Variants in MCPH1 observed in about 807,000 individuals in gnomAD.
MCPH1 encodes microcephalin.
MCPH1 carries 104 observed loss-of-function variants against 84.5 expected under a neutral mutation model. That is an observed-to-expected ratio of 1.23 (90% confidence interval 1.05 to 1.45). The LOEUF is 1.45. Ranked by LOEUF, MCPH1 falls within the 40% of genes most tolerant of loss-of-function variation. The pLI is 0.00. For missense variants in MCPH1, 1,498 were observed against 1,005.7 expected, an observed-to-expected ratio of 1.49 and a Z score of -6.62; for synonymous variants, 514 against 366.8, an observed-to-expected ratio of 1.40 and a Z score of -4.58.
intron 13 of MCPH1, among the ~76,000 whole-genome samples, chr8:6,638,622 A>G (rs1797724570): frequency 1.3e-5 from 2 of 151,514 alleles, no homozygotes; most frequent in African/African-American, 4.9e-5. Flanking sequence ...AATTTCACGG[A>G]GCTGCTCAAG....
At position 6,643,116 on chromosome 8, in the gene MCPH1, G is replaced by GAAACAAAACTGTGAAGAGA; in HGVS notation, c.*69_*87dup. ...AAACTGTCTTTGGATGTTCAAATGA[G>GAAACAAAACTGTGAAGAGA]AAACAAAACTGTGAAGAGAAGGAAC... On this transcript the variant is annotated 3_prime_UTR_variant, in exon 14 of 14. Coordinates refer to ENST00000344683, the MANE Select transcript of MCPH1 (RefSeq NM_024596.5). 7.4e-7 allele frequency: 1 copy of GAAACAAAACTGTGAAGAGA among 1,351,602 alleles called. No homozygotes were observed. The highest frequency in any genetic ancestry group is 1.1e-6 in the Non-Finnish European group (1 of 943,736). The allele number at this position is 1,351,602 out of a possible 1,614,324, so 83.7% of individuals were successfully genotyped here.
At position 6,493,491 on chromosome 8, in the gene MCPH1, A is replaced by G. The variant is rs533191648; in HGVS notation, c.2137-6361A>G. 1.4e-4 allele frequency among the ~76,000 whole-genome samples: 21 copies of G among 152,334 alleles called. No homozygotes were observed. In the South Asian group the frequency reaches 3.9e-3, roughly 29 times the overall value. The stretch of plus-strand genomic sequence containing the variant: ...GGGTTCTTAACTATATACTTTTAGT[A>G]CTTTATTGCTTATCTTCCCTTTCTT... On this transcript the variant is annotated intron_variant, in intron 11 of 13. Transcript: ENST00000344683.
intron 12 of MCPH1, among the ~76,000 whole-genome samples, chr8:6,577,697 A>G (rs931252653): frequency 6.6e-6 from 1 of 152,260 alleles, no homozygotes. Context: ...GTAGATGGCT[A>G]AGCACTACAC....
At chr8:6,641,743 C>T (rs1449445031) in intron 13 of MCPH1, among the ~76,000 whole-genome samples, 1 of 151,610 alleles carries the variant, frequency 6.6e-6, no homozygotes, top group African/African-American at 2.4e-5. Context: ...GACCCTATCT[C>T]AAAAAAAGAA....
At chr8:6,413,116 G>A (rs1032971347) in intron 2 of MCPH1, among the ~76,000 whole-genome samples, 1 of 152,128 alleles carries the variant, frequency 6.6e-6, no homozygotes, top group Non-Finnish European at 1.5e-5. Flanking sequence ...TTGACACCAT[G>A]AGTGTCTGAG....
chr8:6,560,553 C>T (rs191207743), intron 12 of MCPH1, among the ~76,000 whole-genome samples: 1 of 152,232 alleles, frequency 6.6e-6, no homozygotes, highest in Admixed American at 6.5e-5. Flanking sequence ...CTCAGGTGCA[C>T]GTTGCTGAGA....
chr8:6,435,756 C>T (rs903525180), intron 4 of MCPH1, among the ~76,000 whole-genome samples: 10 of 152,020 alleles, frequency 6.6e-5, no homozygotes, highest in African/African-American at 1.7e-4. Context: ...AGCAAAAAAT[C>T]GAAAGAGACT....
At chr8:6,488,962 G>C (rs911617451) in intron 11 of MCPH1, among the ~76,000 whole-genome samples, 1 of 152,098 alleles carries the variant, frequency 6.6e-6, no homozygotes, top group Non-Finnish European at 1.5e-5. Context: ...GTAACGTCAG[G>C]TGTGTGGGAA....
intron 12 of MCPH1, among the ~76,000 whole-genome samples, chr8:6,504,539 G>A (rs1017434615): frequency 1.4e-4 from 22 of 151,974 alleles, no homozygotes; most frequent in Admixed American, 9.8e-4. Flanking sequence ...TTCAAGTAAC[G>A]CTTATTTGAC....
chr8:6,531,913 C>G (rs903285510), intron 12 of MCPH1, among the ~76,000 whole-genome samples: 12 of 152,150 alleles, frequency 7.9e-5, no homozygotes, highest in African/African-American at 2.4e-4. Flanking sequence ...TATCTTAACT[C>G]AAGAGTTAGA....
At chr8:6,605,574 T>A (rs189737456) in intron 12 of MCPH1, among the ~76,000 whole-genome samples, 1 of 152,354 alleles carries the variant, frequency 6.6e-6, no homozygotes, top group Non-Finnish European at 1.5e-5. Context: ...CCAGACCACA[T>A]AGTAGCTGGA....
At chr8:6,413,388 C>T (rs1245904730) in intron 2 of MCPH1, among the ~76,000 whole-genome samples, 13 of 150,734 alleles carry the variant, frequency 8.6e-5, no homozygotes, top group Non-Finnish European at 4.4e-5. Context: ...GTGCTGTTTT[C>T]GTTCTTGTGC....
At chr8:6,609,819 G>GT (rs1830100896) in intron 12 of MCPH1, among the ~76,000 whole-genome samples, 1 of 104,022 alleles carries the variant, frequency 9.6e-6, no homozygotes, top group African/African-American at 3.0e-5. Flanking sequence ...AATGCCCCCC[G>GT]CCCCCCCCCC....
At chr8:6,626,116 G>T in intron 13 of MCPH1, 3 of 985,344 alleles carry the variant, frequency 3.0e-6, no homozygotes, top group Non-Finnish European at 3.6e-6. Context: ...GATAAAAATT[G>T]TTAGTGATTA....
At chr8:6,517,035 A>T (rs1816392365) in intron 12 of MCPH1, among the ~76,000 whole-genome samples, 1 of 152,216 alleles carries the variant, frequency 6.6e-6, no homozygotes, top group Non-Finnish European at 1.5e-5. Flanking sequence ...ATTTGTAAAA[A>T]CTGGAGTATT....
intron 12 of MCPH1, among the ~76,000 whole-genome samples, chr8:6,512,088 T>C (rs780571428): frequency 6.6e-6 from 1 of 152,198 alleles, no homozygotes; most frequent in South Asian, 2.1e-4. Context: ...ATCTCGGTTG[T>C]TGCCTCTCCA....
In MCPH1 at chr8:6,467,428, C is replaced by G. The variant is rs1303649083; in HGVS notation, c.1936-10166C>G. 2.6e-5 allele frequency among the ~76,000 whole-genome samples: 4 copies of G among 152,240 alleles called. No homozygotes were observed. In the East Asian group the frequency reaches 5.8e-4, roughly 22 times the overall value. On this transcript the variant is annotated intron_variant, in intron 9 of 13. Transcript: ENST00000344683. ...CTAGTTCTCATCATTAAAAGCAGTA[C>G]TAAAATCTTATCCCAGAATTTATAG...
chr8:6,623,688 C>CAAAAAAAAAAAAAAAA lies in MCPH1; in HGVS notation c.2452+2012_2452+2027dup, dbSNP rs377522481. 4.3e-5 allele frequency among the ~76,000 whole-genome samples: 4 copies of CAAAAAAAAAAAAAAAA among 92,424 alleles called. 1 individual carries two copies. Among genetic ancestry groups the CAAAAAAAAAAAAAAAA allele is most frequent in the African/African-American group, 9.2e-5 (2 of 21,792 alleles). The allele number at this position is 92,424 out of a possible 152,430, so 60.6% of individuals were successfully genotyped here. A position where few individuals can be genotyped will look rare whatever the true frequency, so the allele number is the denominator to read the frequency against. The stretch of plus-strand genomic sequence containing the variant: ...CATCTTTTGCCTGGAAACCAACTTC[C>CAAAAAAAAAAAAAAAA]AAAAAAAAAAAAAAAAAAAAAAAAA... On this transcript the variant is annotated intron_variant, in intron 13 of 13. Coordinates refer to ENST00000344683, the MANE Select transcript of MCPH1 (RefSeq NM_024596.5).
chr8:6,572,981 G>C (rs1826785970), intron 12 of MCPH1, among the ~76,000 whole-genome samples: 1 of 152,214 alleles, frequency 6.6e-6, no homozygotes, highest in Non-Finnish European at 1.5e-5. Context: ...CCTGAAGAAA[G>C]ACCAAAACTG....
Sources: gnomAD v4.1 joint callset for allele counts (sites outside exome capture counted in the v4.1 genomes callset) on GRCh38, gnomAD v4.1.1 for gene constraint, MANE v1.5 for transcripts, NCBI Gene and HGNC (gene_info 2026-07-23, HGNC 2026-07-21) for gene names.